Variants in KIAA1671 observed in about 807,000 individuals in gnomAD.
KIAA1671 encodes KIAA1671.
Under a neutral mutation model 131.2 loss-of-function variants are expected in KIAA1671, and 52 were observed. That is an observed-to-expected ratio of 0.40 (90% CI 0.32 to 0.50). The LOEUF is 0.50. Ranked by LOEUF, KIAA1671 falls within the 20% of genes least tolerant of loss-of-function variation. KIAA1671 has a pLI of 0.73. For synonymous variants in KIAA1671, 1,003 were observed against 961.6 expected (o/e 1.04, Z -0.80); for missense variants, 2,360 against 2,364.2 (o/e 1.00, Z 0.04).
chr22:25,000,216 C>T (rs1217899068), intron 1 of KIAA1671, among the ~76,000 whole-genome samples: 7 of 22,508 alleles, frequency 3.1e-4, no homozygotes, highest in East Asian at 1.9e-3. Context: ...TTTTTTGAGA[C>T]GGAGTCTCGC....
chr22:25,009,703 T>A (rs2042681473), intron 1 of KIAA1671: 1 of 152,078 alleles, frequency 6.6e-6, no homozygotes, highest in African/African-American at 2.4e-5. Flanking sequence ...TGCCTCAGCC[T>A]CCTGGGTAGC....
At chr22:25,027,449 G>A (rs1164934838) in intron 2 of KIAA1671, among the ~76,000 whole-genome samples, 2 of 152,192 alleles carry the variant, frequency 1.3e-5, no homozygotes, top group Non-Finnish European at 2.9e-5. Context: ...GCTCTGCAGT[G>A]GGAAAACAGG....
rs76351483 is a variant in KIAA1671, at chr22:25,183,251, C to T, written c.5199+1428C>T. Among the ~76,000 whole-genome samples the T allele has an allele frequency of 8.1e-3, 1,227 of 152,322 alleles. 13 individuals are homozygous for T. The highest frequency in any genetic ancestry group is 0.025 in the African/African-American group (1,028 of 41,572). On this transcript the variant is annotated intron_variant, in intron 10 of 12. Transcript: ENST00000358431. ...CCACACAATCCCCATGTGGGAGCGC[C>T]GTGACTCTGTTGCTCCTTTAGTAGA...
rs181949482 is a variant in KIAA1671 at position 25,087,166 on chromosome 22, G to A, written c.4530+37802G>A. Among the ~76,000 whole-genome samples, 433 of 121,962 alleles carry A rather than the reference G, an allele frequency of 3.6e-3. 1 individual carries two copies. The highest frequency in any genetic ancestry group is 0.013 in the African/African-American group (396 of 30,610). 80.0% of individuals were successfully genotyped at this position (121,962 alleles called of 152,430 possible). The stretch of plus-strand genomic sequence containing the variant: ...TGCCCCTCCCACCCCCCACCCCGCC[G>A]CTGCCTCCGGGATCTTATTTACCAA... On this transcript the variant is annotated intron_variant, in intron 6 of 12. Transcript: ENST00000358431.
At chr22:25,123,192 T>C (rs1162715234) in intron 6 of KIAA1671, among the ~76,000 whole-genome samples, 1 of 10,546 alleles carries the variant, frequency 9.5e-5, no homozygotes, top group Non-Finnish European at 1.8e-4. Context: ...GAGATGAGGT[T>C]TTTTTTTTTT....
In KIAA1671 at chr22:24,979,358, A is replaced by ATTTTT. The variant is rs60107890; in HGVS notation, c.-208+26591_-208+26595dup. ...ATTTTATTTATTTATTTATTTATTT[A>ATTTTT]TTTTTTTTTGAGACGGAGTCTCGCT... On this transcript the variant is annotated intron_variant, in intron 1 of 12. Coordinates refer to ENST00000358431, the MANE Select transcript of KIAA1671 (RefSeq NM_001145206.2). 1.0e-3 allele frequency among the ~76,000 whole-genome samples: 125 copies of ATTTTT among 125,326 alleles called. 1 individual carries two copies. In the South Asian group the frequency reaches 0.025, roughly 25 times the overall value. The allele number at this position is 125,326 out of a possible 152,430, so 82.2% of individuals were successfully genotyped here.
Position 25,097,633 on chromosome 22 carries a change from G to A in KIAA1671, c.4530+48269G>A, listed in dbSNP as rs533950489. Among the ~76,000 whole-genome samples the A allele has an allele frequency of 6.8e-4, 104 of 151,870 alleles. 1 individual carries two copies. Among genetic ancestry groups the A allele is most frequent in the African/African-American group, 2.4e-3 (99 of 41,434 alleles). On this transcript the variant is annotated intron_variant, in intron 6 of 12. Transcript: ENST00000358431. The stretch of plus-strand genomic sequence containing the variant: ...CGGGTGCCTGTAGTCCCAGCTACTC[G>A]GGAGGCTGAGGCAGGAGAATGGCGT...
At chr22:25,174,638 G>GCA in intron 8 of KIAA1671, 149 bp downstream of exon 8, 1 of 887,642 alleles carries the variant, frequency 1.1e-6, no homozygotes, top group Non-Finnish European at 1.7e-6. Context: ...ACTTATGCAT[G>GCA]TATCTTGGAC....
intron 6 of KIAA1671, among the ~76,000 whole-genome samples, chr22:25,117,119 G>A (rs936043486): frequency 6.6e-6 from 1 of 152,142 alleles, no homozygotes; most frequent in African/African-American, 2.4e-5. Flanking sequence ...GTCTCTTGGG[G>A]GCAGAATCAC....
At chr22:25,105,819 TG>T (rs3062983) in intron 6 of KIAA1671, among the ~76,000 whole-genome samples, 13,651 of 137,374 alleles carry the variant, frequency 0.099, 1,040 homozygotes, top group African/African-American at 0.24. Context: ...GGTATGAAGT[TG>T]GGGGGGGGGG....
chr22:24,999,270 T>C (rs976734279), intron 1 of KIAA1671, among the ~76,000 whole-genome samples: 12 of 152,228 alleles, frequency 7.9e-5, no homozygotes, highest in Admixed American at 2.6e-4. Flanking sequence ...GGTCTTGCTC[T>C]GTCACCTAGG....
chr22:24,958,640 G>T (rs544053730), intron 1 of KIAA1671, among the ~76,000 whole-genome samples: 3 of 135,672 alleles, frequency 2.2e-5, no homozygotes, highest in Admixed American at 1.6e-4. Flanking sequence ...GACAGAGCAA[G>T]ACTCTGTCTC....
intron 6 of KIAA1671, among the ~76,000 whole-genome samples, chr22:25,081,036 C>CAGTT (rs1289965046): frequency 4.6e-5 from 7 of 152,028 alleles, no homozygotes; most frequent in Non-Finnish European, 7.4e-5. Context: ...GGGCTTAGAG[C>CAGTT]AGTTAGAAGG....
At chr22:24,977,895 A>G (rs1276654622) in intron 1 of KIAA1671, among the ~76,000 whole-genome samples, 1 of 152,172 alleles carries the variant, frequency 6.6e-6, no homozygotes, top group African/African-American at 2.4e-5. Context: ...AAACCAAACC[A>G]AAACGCTAAA....
intron 1 of KIAA1671, among the ~76,000 whole-genome samples, chr22:24,996,396 C>T (rs949508399): frequency 9.9e-5 from 15 of 152,172 alleles, no homozygotes; most frequent in Admixed American, 3.3e-4. Context: ...CGTTTCCTTA[C>T]AGCATGGCCC....
intron 6 of KIAA1671, among the ~76,000 whole-genome samples, chr22:25,068,252 C>G (rs1273462342): frequency 6.8e-6 from 1 of 146,526 alleles, no homozygotes; most frequent in East Asian, 2.0e-4. Context: ...CTGCCAGTCC[C>G]TGGCTCTGCC....
At chr22:25,009,253 CTTTTTTTTTTTTTTT>C (rs35147267) in intron 1 of KIAA1671, among the ~76,000 whole-genome samples, 3 of 62,766 alleles carry the variant, frequency 4.8e-5, no homozygotes, top group African/African-American at 6.2e-5. Context: ...CCCTTCCCCA[CTTTTTTTTTTTTTTT>C]TTTTTTTTTT....
chr22:25,118,473 T>C (rs1931785407), intron 6 of KIAA1671, among the ~76,000 whole-genome samples: 2 of 152,138 alleles, frequency 1.3e-5, no homozygotes, highest in Non-Finnish European at 2.9e-5. Context: ...GTATTTTTAA[T>C]AGAGACAGAG....
In KIAA1671 at chr22:25,040,972, C is replaced by A; in HGVS notation, c.3842C>A (p.Ala1281Glu). The change falls in exon 5 of 13, where the codon GCA (alanine) becomes GAA (glutamate). Residue 1281 changes from alanine to glutamate, a missense_variant. This residue lies in a region of KIAA1671 where 1,161 missense variants were observed against 1,204.7 expected (regional missense o/e 0.96). Coordinates refer to ENST00000358431, the MANE Select transcript of KIAA1671 (RefSeq NM_001145206.2). Reference sequence around the variant, plus strand: ...ACTCCTGGCTTAGGCAAGCAGCTGGCAGAGACCTTGGAGACAGCCATGGGC... The same window carrying A: ...ACTCCTGGCTTAGGCAAGCAGCTGGAAGAGACCTTGGAGACAGCCATGGGC... ...SFTPGLGKQL[A>E]ETLETAMGTK... The A allele has an allele frequency of 6.8e-7, 1 of 1,475,620 alleles. No individual in the cohort carries two copies. Among genetic ancestry groups the A allele is most frequent in the Non-Finnish European group, 9.0e-7 (1 of 1,112,490 alleles). The allele number at this position is 1,475,620 out of a possible 1,614,324, so 91.4% of individuals were successfully genotyped here. A position where few individuals can be genotyped will look rare whatever the true frequency, so the allele number is the denominator to read the frequency against.
Sources: gnomAD v4.1 joint callset for allele counts (sites outside exome capture counted in the v4.1 genomes callset) on GRCh38, gnomAD v4.1.1 for gene constraint, gnomAD v4.1.1 regional missense constraint, MANE v1.5 for transcripts, NCBI Gene and HGNC (gene_info 2026-07-23, HGNC 2026-07-21) for gene names.